ABLIM3: variants seen among roughly 807,000 people sequenced by gnomAD.
ABLIM3 encodes the protein actin binding LIM protein family member 3.
ABLIM3 carries 61 observed loss-of-function variants against 109.5 expected under a neutral mutation model. The observed-to-expected ratio is 0.56, with a 90% CI of 0.45 to 0.69. ABLIM3 has a LOEUF of 0.69. Ranked by LOEUF, ABLIM3 falls within the 30% of genes least tolerant of loss-of-function variation. The pLI is 0.00. For synonymous variants in ABLIM3, 300 were observed against 324.8 expected (o/e 0.92, Z 0.82); for missense variants, 796 against 889.5 (o/e 0.89, Z 1.34).
intron 8 of ABLIM3, among the ~76,000 whole-genome samples, chr5:149,229,123 G>A (rs187899512): frequency 5.9e-5 from 9 of 152,222 alleles, no homozygotes; most frequent in Non-Finnish European, 7.4e-5. Flanking sequence ...GAGAGGAACC[G>A]GAAACGCTCT....
intron 11 of ABLIM3, among the ~76,000 whole-genome samples, chr5:149,237,901 G>A (rs1463605556): frequency 6.6e-6 from 1 of 152,044 alleles, no homozygotes. Context: ...CCGACTCCCT[G>A]TTAATCCCAG....
chr5:149,259,402 T>C lies in ABLIM3; in HGVS notation c.*998T>C. 6.7e-7 allele frequency: 1 copy of C among 1,490,708 alleles called. No individual in the cohort carries two copies. The highest frequency in any genetic ancestry group is 8.9e-7 in the Non-Finnish European group (1 of 1,123,412). The allele number at this position is 1,490,708 out of a possible 1,614,324, so 92.3% of individuals were successfully genotyped here. ...CCAACTGAACAACCAGACAGACAAC[T>C]CTCATCATCCTCCAGAGAGAAAATA... On this transcript the variant is annotated 3_prime_UTR_variant, in exon 24 of 24. Coordinates refer to ENST00000309868, the MANE Select transcript of ABLIM3 (RefSeq NM_014945.5).
intron 2 of ABLIM3, among the ~76,000 whole-genome samples, chr5:149,165,094 T>G (rs934272131): frequency 3.9e-5 from 6 of 152,198 alleles, no homozygotes; most frequent in Non-Finnish European, 7.3e-5. Flanking sequence ...TCTATATACT[T>G]AAGACAAAAT....
intron 2 of ABLIM3, among the ~76,000 whole-genome samples, chr5:149,151,726 C>G (rs971346170): frequency 2.0e-5 from 3 of 152,228 alleles, no homozygotes; most frequent in African/African-American, 7.2e-5. Flanking sequence ...ACTTTCCACC[C>G]CACCTGGTCA....
At chr5:149,212,148 C>T (rs903137004) in intron 7 of ABLIM3, among the ~76,000 whole-genome samples, 3 of 152,140 alleles carry the variant, frequency 2.0e-5, no homozygotes, top group Admixed American at 2.0e-4. Flanking sequence ...AAGCCAAGGA[C>T]TAACATGATA....
chr5:149,258,736 C>T lies in ABLIM3; in HGVS notation c.*332C>T. ...GTGCCTGAAGAAGTCTCTCTTCTCT[C>T]TGCTTCGTGGCCCCTTTCTTAAATT... On this transcript the variant is annotated 3_prime_UTR_variant, in exon 24 of 24. Transcript: ENST00000309868. 2.0e-6 allele frequency: 2 copies of T among 1,015,190 alleles called. No individual in the cohort carries two copies. Among genetic ancestry groups the T allele is most frequent in the Non-Finnish European group, 2.4e-6 (2 of 849,936 alleles). The allele number at this position is 1,015,190 out of a possible 1,614,324, so 62.9% of individuals were successfully genotyped here. A position where few individuals can be genotyped will look rare whatever the true frequency, so the allele number is the denominator to read the frequency against.
At chr5:149,159,992 T>C (rs1754193765) in intron 2 of ABLIM3, among the ~76,000 whole-genome samples, 1 of 152,216 alleles carries the variant, frequency 6.6e-6, no homozygotes, top group African/African-American at 2.4e-5. Context: ...TTAGATTACC[T>C]GTCCCCACCC....
chr5:149,235,220 A>G (rs1463120106), intron 10 of ABLIM3, among the ~76,000 whole-genome samples: 2 of 152,204 alleles, frequency 1.3e-5, no homozygotes, highest in Admixed American at 6.5e-5. Flanking sequence ...AGCCCATCCC[A>G]AGCATGGCTT....
intron 8 of ABLIM3, among the ~76,000 whole-genome samples, chr5:149,229,907 A>C (rs779811700): frequency 1.1e-4 from 17 of 152,208 alleles, no homozygotes; most frequent in Non-Finnish European, 1.5e-4. Flanking sequence ...GGGCGTTAGC[A>C]GTATACTAAA....
chr5:149,249,188 T>C (rs116698028), intron 18 of ABLIM3, among the ~76,000 whole-genome samples: 2,028 of 152,328 alleles, frequency 0.013, 9 homozygotes, highest in Non-Finnish European at 0.022. Context: ...CCATGAGCTC[T>C]TCCCTCTTCC....
At chr5:149,256,903 G>A (rs1465348234) in intron 23 of ABLIM3, among the ~76,000 whole-genome samples, 1 of 152,212 alleles carries the variant, frequency 6.6e-6, no homozygotes, top group African/African-American at 2.4e-5. Context: ...CAGTGAGAAT[G>A]TAATGCATTT....
Position 149,258,619 on chromosome 5 carries a change from G to C in ABLIM3, c.*215G>C. On this transcript the variant is annotated 3_prime_UTR_variant, in exon 24 of 24. Coordinates refer to ENST00000309868, the MANE Select transcript of ABLIM3 (RefSeq NM_014945.5). ...TGTGGGATCTGGGAAGGGATTTGAG[G>C]GGACTCTGTCCTTTTATTGGGGATC... The C allele has an allele frequency of 7.7e-7, 1 of 1,305,240 alleles. No homozygotes were observed. 80.9% of individuals were successfully genotyped at this position (1,305,240 alleles called of 1,614,324 possible).
At chr5:149,193,133 GA>G (rs1328489813) in intron 3 of ABLIM3, among the ~76,000 whole-genome samples, 1 of 152,080 alleles carries the variant, frequency 6.6e-6, no homozygotes, top group African/African-American at 2.4e-5. Context: ...GGGATAATTG[GA>G]AAACTTGAAC....
At chr5:149,217,930 C>A (rs1196980796) in intron 8 of ABLIM3, 5 of 152,260 alleles carry the variant, frequency 3.3e-5, no homozygotes, top group Admixed American at 3.3e-4. Context: ...CTACAGTCCC[C>A]TGAAGGAGAT....
intron 2 of ABLIM3, among the ~76,000 whole-genome samples, chr5:149,167,714 T>C (rs1754958195): frequency 6.6e-6 from 1 of 152,208 alleles, no homozygotes; most frequent in South Asian, 2.1e-4. Context: ...GTCCCTGCCC[T>C]CATCAAGCTT....
intron 3 of ABLIM3, among the ~76,000 whole-genome samples, chr5:149,184,508 T>C (rs1450496900): frequency 6.6e-6 from 1 of 152,234 alleles, no homozygotes; most frequent in Non-Finnish European, 1.5e-5. Flanking sequence ...AGTCCTTAAA[T>C]TGGGTCTCAT....
intron 23 of ABLIM3, among the ~76,000 whole-genome samples, chr5:149,255,616 G>A (rs1256163276): frequency 1.3e-5 from 2 of 152,198 alleles, no homozygotes; most frequent in African/African-American, 4.8e-5. Flanking sequence ...GTAGTTGAGG[G>A]AGTGGGGCAT....
chr5:149,242,055 G>T (rs916011170), intron 14 of ABLIM3, among the ~76,000 whole-genome samples: 2 of 152,158 alleles, frequency 1.3e-5, no homozygotes, highest in African/African-American at 4.8e-5. Flanking sequence ...GCCCTAGAGG[G>T]GTCCCATCCT....
chr5:149,213,111 C>T lies in ABLIM3; in HGVS notation c.669+2292C>T, dbSNP rs536090012. ...CTGGACAACAGAGCAAGATCCTGTCCGAGGCAAGAAAAATGAGAAAAGAAA... is the reference window on the plus strand; with the variant it reads ...CTGGACAACAGAGCAAGATCCTGTCTGAGGCAAGAAAAATGAGAAAAGAAA... On this transcript the variant is annotated intron_variant, in intron 7 of 23. Transcript: ENST00000309868. Among the ~76,000 whole-genome samples the T allele has an allele frequency of 8.2e-4, 124 of 152,042 alleles. 2 individuals carry two copies. Among genetic ancestry groups the T allele is most frequent in the Admixed American group, 7.7e-3 (117 of 15,256 alleles).
Sources: allele counts gnomAD v4.1 joint callset (sites outside exome capture counted in the v4.1 genomes callset), GRCh38; gene constraint gnomAD v4.1.1; transcripts MANE v1.5; gene names NCBI Gene and HGNC (gene_info 2026-07-23, HGNC 2026-07-21).